Variants in TNRC6C observed in about 807,000 individuals in gnomAD.
TNRC6C encodes trinucleotide repeat containing adaptor 6C.
Under a neutral mutation model 153.7 loss-of-function variants are expected in TNRC6C, and 20 were observed. That is an observed-to-expected ratio of 0.13 (90% CI 0.09 to 0.19). The LOEUF (loss-of-function observed/expected upper bound fraction) is 0.19, where lower values mean the gene tolerates loss of function less well. Among genes scored for constraint, TNRC6C ranks in the 10% least tolerant of loss-of-function variants. TNRC6C has a pLI of 1.00. For synonymous variants in TNRC6C, 811 were observed against 841.4 expected, an observed-to-expected ratio of 0.96 and a Z score of 0.63; for missense variants, 1,987 against 2,172.0, an observed-to-expected ratio of 0.91 and a Z score of 1.69.
At chr17:78,076,513 A>C (rs1484841693) in intron 8 of TNRC6C, among the ~76,000 whole-genome samples, 3 of 152,142 alleles carry the variant, frequency 2.0e-5, no homozygotes, top group Non-Finnish European at 4.4e-5. Context: ...TACTGTTTAA[A>C]CTGATAAAAT....
chr17:78,069,846 G>A (rs1447359515), intron 5 of TNRC6C, among the ~76,000 whole-genome samples: 1 of 152,168 alleles, frequency 6.6e-6, no homozygotes, highest in African/African-American at 2.4e-5. Flanking sequence ...GTGTGTGTAT[G>A]TGAGTGTGTG....
chr17:78,002,015 C>A (rs1023841151), upstream of TNRC6C, among the ~76,000 whole-genome samples: 1 of 151,956 alleles, frequency 6.6e-6, no homozygotes, highest in East Asian at 1.9e-4. Context: ...CTCCTTGCTT[C>A]TTGACTTATA....
intron 3 of TNRC6C, among the ~76,000 whole-genome samples, chr17:78,060,874 T>G (rs1247829541): frequency 6.6e-6 from 1 of 152,244 alleles, no homozygotes; most frequent in African/African-American, 2.4e-5. Flanking sequence ...ACTGACTTAA[T>G]TATCTGTAGT....
At chr17:77,993,998 A>C (rs950614385) in intron 1 of TNRC6C, among the ~76,000 whole-genome samples, 1 of 151,572 alleles carries the variant, frequency 6.6e-6, no homozygotes, top group Non-Finnish European at 1.5e-5. Flanking sequence ...TTTGAGCCCA[A>C]CCTGGTCAAC....
chr17:77,983,971 C>G (rs2071119151), intron 1 of TNRC6C, among the ~76,000 whole-genome samples: 1 of 152,118 alleles, frequency 6.6e-6, no homozygotes, highest in Non-Finnish European at 1.5e-5. Context: ...TGCATGTTAC[C>G]TTCATGTGGA....
At chr17:78,103,312 C>G (rs1316213064) in intron 18 of TNRC6C, 102 bp from the exon 22 acceptor site, 3 of 1,357,738 alleles carry the variant, frequency 2.2e-6, no homozygotes, top group Non-Finnish European at 3.0e-6. Context: ...AAAAACATTC[C>G]TAGTGTTTAG....
intron 3 of TNRC6C, among the ~76,000 whole-genome samples, chr17:78,064,276 T>C (rs891412749): frequency 3.9e-5 from 6 of 152,226 alleles, no homozygotes; most frequent in African/African-American, 1.4e-4. Flanking sequence ...TTTGTATTTT[T>C]AGTAGTGACA....
intron 3 of TNRC6C, among the ~76,000 whole-genome samples, chr17:78,052,708 C>G (rs1284913269): frequency 2.0e-5 from 3 of 152,052 alleles, no homozygotes; most frequent in Non-Finnish European, 4.4e-5. Flanking sequence ...ACAGGACCTC[C>G]CCTGGCCCAC....
exon 2 of TNRC6C, chr17:78,031,785 A>T (rs1444219596): frequency 8.1e-7 from 1 of 1,232,220 alleles, no homozygotes; most frequent in Non-Finnish European, 1.0e-6. Context: ...TGCAGGGGTA[A>T]GCCCACCTCC....
exon 20 of TNRC6C, chr17:78,105,370 T>C (rs1416054277): frequency 6.5e-6 from 1 of 152,820 alleles, no homozygotes; most frequent in Non-Finnish European, 1.5e-5. Flanking sequence ...TGCGATCTGC[T>C]CTCTGTTCCC....
chr17:77,976,788 G>T (rs1278516096), intron 1 of TNRC6C, among the ~76,000 whole-genome samples: 8 of 151,818 alleles, frequency 5.3e-5, no homozygotes, highest in African/African-American at 2.4e-5. Context: ...AATTATCTGG[G>T]CGTGGTGGCA....
intron 3 of TNRC6C, among the ~76,000 whole-genome samples, chr17:78,058,168 T>A (rs1402601618): frequency 6.6e-6 from 1 of 152,222 alleles, no homozygotes; most frequent in African/African-American, 2.4e-5. Flanking sequence ...CCTGCTACCT[T>A]GCGCTCTGCT....
At chr17:77,974,581 C>G (rs2070971865) in intron 1 of TNRC6C, among the ~76,000 whole-genome samples, 1 of 151,856 alleles carries the variant, frequency 6.6e-6, no homozygotes, top group African/African-American at 2.4e-5. Context: ...CCCACCTTAA[C>G]CTCAAGAGTA....
At chr17:77,981,017 C>T (rs1470912177) in intron 1 of TNRC6C, among the ~76,000 whole-genome samples, 2 of 152,050 alleles carry the variant, frequency 1.3e-5, no homozygotes, top group African/African-American at 4.8e-5. Flanking sequence ...ACTCTATTGT[C>T]CAGGCTGGAG....
intron 4 of TNRC6C, among the ~76,000 whole-genome samples, chr17:78,067,386 A>G (rs920003034): frequency 4.6e-5 from 7 of 152,176 alleles, no homozygotes; most frequent in African/African-American, 1.7e-4. Context: ...ACACAGGACA[A>G]TGAAATGTTT....
intron 1 of TNRC6C, among the ~76,000 whole-genome samples, chr17:78,020,308 C>A (rs1042952739): frequency 6.6e-6 from 1 of 152,196 alleles, no homozygotes; most frequent in Non-Finnish European, 1.5e-5. Flanking sequence ...TTGCATTATA[C>A]TCCGGGACCC....
chr17:78,024,818 A>G (rs1406831884), intron 1 of TNRC6C, among the ~76,000 whole-genome samples: 7 of 149,484 alleles, frequency 4.7e-5, no homozygotes, highest in South Asian at 2.1e-4. Flanking sequence ...TTTTTAGGAC[A>G]GAGTCTTGCT....
At chr17:78,054,874 G>A (rs2072619447) in intron 3 of TNRC6C, among the ~76,000 whole-genome samples, 1 of 152,116 alleles carries the variant, frequency 6.6e-6, no homozygotes, top group African/African-American at 2.4e-5. Flanking sequence ...ATACACCACT[G>A]CAGACTACTG....
rs550808568 is a variant in TNRC6C at position 78,069,655 on chromosome 17, G to A, written c.2779-1430G>A. Among the ~76,000 whole-genome samples, 48 of 152,276 alleles carry A rather than the reference G, an allele frequency of 3.2e-4. No individual in the cohort carries two copies. In the South Asian group the frequency reaches 9.5e-3, roughly 30 times the overall value. ...GTAAAAAGATAACAATAATTTATGTGTACATTGATGGAGTAACAAGTTAAT... is the reference window on the plus strand; with the variant it reads ...GTAAAAAGATAACAATAATTTATGTATACATTGATGGAGTAACAAGTTAAT... On this transcript the variant is annotated intron_variant, in intron 5 of 19. Transcript: ENST00000301624.
Sources: allele counts gnomAD v4.1 joint callset (sites outside exome capture counted in the v4.1 genomes callset), GRCh38; gene constraint gnomAD v4.1.1; transcripts MANE v1.5; gene names NCBI Gene and HGNC (gene_info 2026-07-23, HGNC 2026-07-21).